Variants in EML1 observed in about 807,000 individuals in gnomAD.
EML1 encodes echinoderm microtubule-associated protein-like 1.
EML1 carries 27 observed loss-of-function variants against 110.4 expected under a neutral mutation model. The observed-to-expected ratio is 0.24, with a 90% confidence interval of 0.18 to 0.34. EML1 has a LOEUF of 0.34. Ranked by LOEUF, EML1 falls within the 10% of genes least tolerant of loss-of-function variation. The pLI, the probability that EML1 is intolerant of heterozygous loss-of-function variation, is 1.00. For synonymous variants in EML1, 344 were observed against 385.8 expected, an observed-to-expected ratio of 0.89 and a Z score of 1.27; for missense variants, 741 against 1,030.9, an observed-to-expected ratio of 0.72 and a Z score of 3.85.
intron 4 of EML1, among the ~76,000 whole-genome samples, chr14:99,882,649 T>TAA (rs199622855): frequency 3.1e-5 from 4 of 127,766 alleles, no homozygotes; most frequent in Non-Finnish European, 4.8e-5. Context: ...GCTGATGAGC[T>TAA]AAAAAAAAAA....
intron 1 of EML1, among the ~76,000 whole-genome samples, chr14:99,832,722 T>C (rs982815796): frequency 1.3e-5 from 2 of 152,250 alleles, no homozygotes; most frequent in African/African-American, 4.8e-5. Context: ...TTATTCACTT[T>C]CTTGTTGAGC....
At chr14:99,917,642 A>C in intron 15 of EML1, 140 bp from the exon 16 acceptor site, 2 of 780,188 alleles carry the variant, frequency 2.6e-6, no homozygotes, top group East Asian at 5.4e-5. Context: ...TCTCTAGAAA[A>C]GAGACTTTTC....
intron 12 of EML1, among the ~76,000 whole-genome samples, chr14:99,910,659 G>T (rs1000291421): frequency 1.5e-4 from 23 of 152,080 alleles, no homozygotes; most frequent in Non-Finnish European, 2.9e-4. Flanking sequence ...ACTACTTATA[G>T]GTCTGTAAAA....
At chr14:99,838,047 C>A (rs527950117) in intron 1 of EML1, among the ~76,000 whole-genome samples, 3 of 152,154 alleles carry the variant, frequency 2.0e-5, no homozygotes, top group Non-Finnish European at 2.9e-5. Context: ...CCACTCCCCC[C>A]ACCTCAACCT....
In EML1 at chr14:99,865,507, CT is replaced by C; in HGVS notation, c.251-5del. The C allele has an allele frequency of 6.2e-7, 1 of 1,613,536 alleles. No homozygotes were observed. The highest frequency in any genetic ancestry group is 8.5e-7 in the Non-Finnish European group (1 of 1,179,820). ...CTTTCTGATATTATTTTCTGCTTGT[CT>C]TACAGCAAGACCACTGATGCAGACC... is the stretch of plus-strand genomic sequence containing the variant. On this transcript the variant is annotated splice_polypyrimidine_tract_variant and splice_region_variant and intron_variant, in intron 2 of 21. Coordinates refer to ENST00000262233, the MANE Select transcript of EML1 (RefSeq NM_004434.3).
In EML1 at chr14:99,781,747, C is replaced by T. The variant is rs1235696843; in HGVS notation, c.-27+7734C>T. On this transcript the variant is annotated intron_variant, in intron 1 of 22. Transcript: ENST00000327921. This position sits in a 1 kb window ranked among gnomAD's most constrained non-coding sequence, Gnocchi z 4.2. ...GCCAGATGCCTTCAGTCTGAGCTCCCTGTCCCCTCTTTGACATTAACAGAG... is the reference window on the plus strand; with the variant it reads ...GCCAGATGCCTTCAGTCTGAGCTCCTTGTCCCCTCTTTGACATTAACAGAG... Among the ~76,000 whole-genome samples the T allele has an allele frequency of 1.3e-5, 2 of 152,204 alleles. No individual in the cohort carries two copies. Among genetic ancestry groups the T allele is most frequent in the Non-Finnish European group, 2.9e-5 (2 of 68,038 alleles).
chr14:99,777,048 C>G (rs1036545647), intron 1 of EML1, among the ~76,000 whole-genome samples: 1 of 152,208 alleles, frequency 6.6e-6, no homozygotes, highest in Non-Finnish European at 1.5e-5. Context: ...AAGGTCCTCT[C>G]TGAGCAGGAA....
chr14:99,846,953 A>G (rs1385095751), intron 1 of EML1, among the ~76,000 whole-genome samples: 2 of 152,216 alleles, frequency 1.3e-5, no homozygotes, highest in Non-Finnish European at 2.9e-5. Flanking sequence ...TGACCTTTTC[A>G]GATAACCAGA....
chr14:99,793,260 G>A (rs1595286776), upstream of EML1: 2 of 907,498 alleles, frequency 2.2e-6, no homozygotes, highest in African/African-American at 1.8e-5. Flanking sequence ...CCCCGCGGCC[G>A]CCGAGGCCGC....
chr14:99,845,553 T>C (rs984699581), intron 1 of EML1, among the ~76,000 whole-genome samples: 1 of 152,214 alleles, frequency 6.6e-6, no homozygotes, highest in African/African-American at 2.4e-5. Flanking sequence ...GAAAAGGATA[T>C]TTGCAAGTTG....
intron 1 of EML1, among the ~76,000 whole-genome samples, chr14:99,836,762 A>C (rs2139790705): frequency 6.6e-6 from 1 of 152,130 alleles, no homozygotes; most frequent in Admixed American, 6.6e-5. Context: ...GAATTCCTAT[A>C]AATATTTCGA....
chr14:99,795,463 T>A (rs1323226559), intron 1 of EML1, among the ~76,000 whole-genome samples: 6 of 152,242 alleles, frequency 3.9e-5, no homozygotes, highest in African/African-American at 9.6e-5. Context: ...ATTTGTTATT[T>A]TTTTTTTAGG....
Position 99,784,332 on chromosome 14 carries a change from A to G in EML1, c.-27+10319A>G, listed in dbSNP as rs1184969450. Among the ~76,000 whole-genome samples the G allele has an allele frequency of 6.6e-6, 1 of 152,238 alleles. No individual in the cohort carries two copies. The highest frequency in any genetic ancestry group is 1.5e-5 in the Non-Finnish European group (1 of 68,038). ...GGTCTCAAACTCCTGGACTCAAGGG[A>G]TCTGCCCACCTTGGCCTCCTCAAGT... On this transcript the variant is annotated intron_variant, in intron 1 of 22. Transcript: ENST00000327921. The surrounding 1 kb of genome is among the most constrained non-coding windows in gnomAD (Gnocchi z 4.5).
intron 1 of EML1, among the ~76,000 whole-genome samples, chr14:99,739,960 C>A (rs1320338201): frequency 6.6e-6 from 1 of 152,198 alleles, no homozygotes; most frequent in Non-Finnish European, 1.5e-5. Flanking sequence ...GCCTCAGTTT[C>A]CCCATCCATT....
At chr14:99,925,074 AC>A (rs533057220) in intron 17 of EML1, among the ~76,000 whole-genome samples, 16 of 152,146 alleles carry the variant, frequency 1.1e-4, no homozygotes, top group Non-Finnish European at 1.9e-4. Context: ...TTATGAGAGT[AC>A]TACCGGCCTT....
At chr14:99,818,462 T>C (rs2058206142) in intron 1 of EML1, among the ~76,000 whole-genome samples, 1 of 152,118 alleles carries the variant, frequency 6.6e-6, no homozygotes, top group Non-Finnish European at 1.5e-5. Flanking sequence ...GCAAAAAATA[T>C]GGAATCAGTC....
intron 1 of EML1, among the ~76,000 whole-genome samples, chr14:99,841,387 G>A (rs1054606397): frequency 4.6e-5 from 7 of 152,126 alleles, no homozygotes; most frequent in Admixed American, 3.3e-4. Context: ...TCTGTATGCC[G>A]TCATAGTATT....
chr14:99,921,021 C>T (rs904468164), intron 17 of EML1, 144 bp downstream of exon 17: 10 of 680,472 alleles, frequency 1.5e-5, no homozygotes, highest in African/African-American at 1.5e-4. Flanking sequence ...CCATCACCCA[C>T]GTATTAAGCC....
chr14:99,763,373 G>GAA (rs2057335310), intron 1 of EML1, among the ~76,000 whole-genome samples: 1 of 152,188 alleles, frequency 6.6e-6, no homozygotes, highest in Non-Finnish European at 1.5e-5. Flanking sequence ...AGCTGTATGA[G>GAA]TAGACATGGA....
Sources: gnomAD v4.1 joint callset for allele counts (sites outside exome capture counted in the v4.1 genomes callset) on GRCh38, gnomAD v4.1.1 for gene constraint, Gnocchi (gnomAD v3.1) non-coding constraint, MANE v1.5 for transcripts, NCBI Gene and HGNC (gene_info 2026-07-23, HGNC 2026-07-21) for gene names.